The following OXR1 variants were observed in gnomAD, a reference collection of about 807,000 sequenced individuals.
The protein encoded by OXR1 is oxidation resistance protein 1.
A neutral mutation model predicts 104.6 loss-of-function variants in OXR1; 41 were observed. The ratio of observed to expected loss-of-function variants is 0.39; its 90% CI spans 0.31 to 0.51. The LOEUF (loss-of-function observed/expected upper bound fraction) is 0.51. Among genes scored for constraint, OXR1 ranks in the 20% least tolerant of loss-of-function variants. The probability of loss-of-function intolerance (pLI) is 0.77; values close to 1 mark genes in which losing one functional copy is unlikely to be tolerated. For missense variants in OXR1, 955 were observed against 1,031.9 expected (o/e 0.93, Z 1.02); for synonymous variants, 348 against 348.4 (o/e 1.00, Z 0.01).
At chr8:106,725,600 CTG>C (rs780216482) in intron 11 of OXR1, among the ~76,000 whole-genome samples, 2 of 152,148 alleles carry the variant, frequency 1.3e-5, no homozygotes, top group Non-Finnish European at 1.5e-5. Context: ...TAAAAACAGA[CTG>C]TGTAACAGGC....
intron 2 of OXR1, among the ~76,000 whole-genome samples, chr8:106,449,279 T>A (rs989282758): frequency 2.0e-5 from 3 of 152,164 alleles, no homozygotes; most frequent in African/African-American, 7.2e-5. Context: ...CTCCCTTCCA[T>A]CAATATTTAA....
chr8:106,423,546 CAG>C (rs1818986949), intron 2 of OXR1, among the ~76,000 whole-genome samples: 1 of 152,178 alleles, frequency 6.6e-6, no homozygotes, highest in Admixed American at 6.5e-5. Flanking sequence ...TGGTTCTAAA[CAG>C]AGTTTATTCT....
intron 1 of OXR1, among the ~76,000 whole-genome samples, chr8:106,339,517 AAAATATATATATATATATATAT>A (rs1372145704): frequency 5.5e-4 from 16 of 29,302 alleles, no homozygotes; most frequent in African/African-American, 3.6e-3. Context: ...AAAAAAAAAA[AAAATATATATATATATATATAT>A]ATATATATAT....
intron 3 of OXR1, among the ~76,000 whole-genome samples, chr8:106,628,644 C>G (rs2130879951): frequency 6.6e-6 from 1 of 152,258 alleles, no homozygotes; most frequent in South Asian, 2.1e-4. Flanking sequence ...TCCTTGCCCT[C>G]CAAGGTTAGC....
chr8:106,551,559 T>C (rs1457309740), intron 3 of OXR1, among the ~76,000 whole-genome samples: 1 of 152,074 alleles, frequency 6.6e-6, no homozygotes, highest in Non-Finnish European at 1.5e-5. Context: ...CTTAGTTTAA[T>C]ATCTTAGAGA....
intron 7 of OXR1, among the ~76,000 whole-genome samples, chr8:106,694,595 GATAT>G (rs1187385165): frequency 3.2e-5 from 2 of 63,482 alleles, no homozygotes; most frequent in Non-Finnish European, 5.8e-5. Context: ...ATATATATTT[GATAT>G]ATAAATATAT....
chr8:106,554,980 A>T (rs1479645741), intron 3 of OXR1, among the ~76,000 whole-genome samples: 2 of 152,182 alleles, frequency 1.3e-5, no homozygotes, highest in African/African-American at 4.8e-5. Flanking sequence ...TAATAAAACA[A>T]ATTAATGTAT....
chr8:106,272,329 G>C (rs1159660495), intron 1 of OXR1: 2 of 152,288 alleles, frequency 1.3e-5, no homozygotes, highest in African/African-American at 4.8e-5. Context: ...TTTTCAGAGA[G>C]ACTTTACCAG....
At chr8:106,693,693 A>T (rs1201324368) in intron 7 of OXR1, among the ~76,000 whole-genome samples, 4 of 152,216 alleles carry the variant, frequency 2.6e-5, no homozygotes, top group South Asian at 2.1e-4. Context: ...GGCCTCCCAA[A>T]GTGCTGGGAT....
chr8:106,723,799 T>C (rs1833075705), intron 11 of OXR1, among the ~76,000 whole-genome samples: 1 of 152,160 alleles, frequency 6.6e-6, no homozygotes, highest in Non-Finnish European at 1.5e-5. Context: ...AAATTTATTA[T>C]TATTTTTTGA....
At chr8:106,446,130 A>C (rs1174577661) in intron 2 of OXR1, among the ~76,000 whole-genome samples, 1 of 152,192 alleles carries the variant, frequency 6.6e-6, no homozygotes, top group Non-Finnish European at 1.5e-5. Flanking sequence ...TTGTCTCCCC[A>C]ACCCTGATAC....
At chr8:106,271,102 A>C (rs1811785079) in intron 1 of OXR1, among the ~76,000 whole-genome samples, 2 of 151,054 alleles carry the variant, frequency 1.3e-5, no homozygotes, top group South Asian at 4.2e-4. Flanking sequence ...AGAGGGGGGG[A>C]GCTGTGCAGT....
rs148912958 is a variant in OXR1, at chr8:106,285,815, C to T, written c.-139+15448C>T. On this transcript the variant is annotated intron_variant, in intron 1 of 16. Coordinates refer to ENST00000517566, the MANE Select transcript of OXR1 (RefSeq NM_001198533.2). ...AAGAGCCTTAGAGTCTGACTACTAT[C>T]AGAGGACCTTGTTCTCTAGCAGGTT... Among the ~76,000 whole-genome samples, 488 of 116,126 alleles carry T rather than the reference C, an allele frequency of 4.2e-3. 4 individuals are homozygous for T. The highest frequency in any genetic ancestry group is 0.014 in the African/African-American group (454 of 31,644). The allele number at this position is 116,126 out of a possible 152,430, so 76.2% of individuals were successfully genotyped here.
At chr8:106,378,720 G>T (rs569234034) in intron 2 of OXR1, among the ~76,000 whole-genome samples, 1 of 152,174 alleles carries the variant, frequency 6.6e-6, no homozygotes, top group African/African-American at 2.4e-5. Flanking sequence ...TGTTGGTCAG[G>T]CTGGTCTCAA....
At chr8:106,420,064 A>C (rs955003121) in intron 2 of OXR1, among the ~76,000 whole-genome samples, 3 of 152,154 alleles carry the variant, frequency 2.0e-5, no homozygotes, top group Admixed American at 1.3e-4. Flanking sequence ...CTTTAAGTAT[A>C]AACATGTATG....
chr8:106,561,029 A>G (rs1436053198), intron 3 of OXR1, among the ~76,000 whole-genome samples: 1 of 152,026 alleles, frequency 6.6e-6, no homozygotes, highest in African/African-American at 2.4e-5. Context: ...CCAGGAGATT[A>G]CCTTGGGTGT....
At chr8:106,577,219 T>C (rs980866085) in intron 3 of OXR1, among the ~76,000 whole-genome samples, 2 of 138,252 alleles carry the variant, frequency 1.4e-5, no homozygotes, top group Non-Finnish European at 1.5e-5. Flanking sequence ...TTGTTTTTTG[T>C]TTTTTTTTTG....
chr8:106,584,212 A>T (rs1818456697), intron 3 of OXR1, among the ~76,000 whole-genome samples: 1 of 152,036 alleles, frequency 6.6e-6, no homozygotes, highest in Non-Finnish European at 1.5e-5. Context: ...AGTAGAAAAG[A>T]GATGAAAATA....
intron 3 of OXR1, among the ~76,000 whole-genome samples, chr8:106,546,276 G>A (rs1397761272): frequency 6.6e-6 from 1 of 152,162 alleles, no homozygotes; most frequent in Non-Finnish European, 1.5e-5. Flanking sequence ...CTTTCATCGT[G>A]AATGTCCCTT....
Sources: gnomAD v4.1 joint callset for allele counts (sites outside exome capture counted in the v4.1 genomes callset) on GRCh38, gnomAD v4.1.1 for gene constraint, MANE v1.5 for transcripts, NCBI Gene and HGNC (gene_info 2026-07-23, HGNC 2026-07-21) for gene names.